Variants in JAM2 observed in about 807,000 individuals in gnomAD.
The protein encoded by JAM2 is junctional adhesion molecule 2, also known as junctional adhesion molecule B.
A neutral mutation model predicts 42.0 loss-of-function variants in JAM2; 17 were observed. The observed-to-expected ratio is 0.40, with a 90% CI of 0.28 to 0.61. JAM2 has a LOEUF of 0.61. Among genes scored for constraint, JAM2 ranks in the 20% least tolerant of loss-of-function variants. The pLI is 0.37. For missense variants in JAM2, 319 were observed against 358.3 expected (o/e 0.89, Z 0.89); for synonymous variants, 118 against 128.6 (o/e 0.92, Z 0.56).
intron 6 of JAM2, among the ~76,000 whole-genome samples, chr21:25,702,789 C>T (rs2034194062): frequency 6.6e-6 from 1 of 152,060 alleles, no homozygotes; most frequent in Non-Finnish European, 1.5e-5. Context: ...AAAATTAAGG[C>T]ATTGTTTTCT....
intron 3 of JAM2, among the ~76,000 whole-genome samples, chr21:25,690,516 A>T (rs1184864567): frequency 1.3e-5 from 2 of 151,702 alleles, no homozygotes; most frequent in African/African-American, 4.8e-5. Flanking sequence ...TTATTTATTT[A>T]TTTTTTTGTA....
chr21:25,659,589 A>G (rs1236208388), intron 1 of JAM2, among the ~76,000 whole-genome samples: 1 of 152,218 alleles, frequency 6.6e-6, no homozygotes, highest in Non-Finnish European at 1.5e-5. Flanking sequence ...ATTAGGGTTC[A>G]GGCACTTATA....
At chr21:25,665,141 A>G (rs1338754421) in intron 1 of JAM2, among the ~76,000 whole-genome samples, 2 of 152,170 alleles carry the variant, frequency 1.3e-5, no homozygotes, top group Non-Finnish European at 2.9e-5. Context: ...AGAAAATTGT[A>G]ATAGGGAGGA....
intron 5 of JAM2, among the ~76,000 whole-genome samples, chr21:25,700,775 C>T (rs891381414): frequency 1.3e-5 from 2 of 152,178 alleles, no homozygotes; most frequent in Admixed American, 1.3e-4. Flanking sequence ...GCTAAAGTGG[C>T]TGAATAATAA....
intron 5 of JAM2, among the ~76,000 whole-genome samples, chr21:25,700,765 G>C (rs918871273): frequency 6.6e-6 from 1 of 152,174 alleles, no homozygotes; most frequent in African/African-American, 2.4e-5. Flanking sequence ...AAAGCAAATT[G>C]CTAAAGTGGC....
rs375322669 is a variant in JAM2 at position 25,702,180 on chromosome 21, C to A, written c.608C>A (p.Thr203Asn). The A allele has an allele frequency of 5.2e-5, 82 of 1,563,560 alleles. No homozygotes were observed. The highest frequency in any genetic ancestry group is 6.5e-5 in the Non-Finnish European group (74 of 1,142,114). ...TGCATCCACAAATAGCAATTTAATA[C>A]TGTTTCCAAACTGGACACTGGAGAA... ...NTKTGTLQFN[T>N]VSKLDTGEYS... The change falls in exon 6 of 10, where the codon ACT becomes AAT. Residue 203 changes from threonine (T) to asparagine (N), a missense_variant. Transcript: ENST00000480456.
intron 3 of JAM2, 136 bp from the exon 4 acceptor site, chr21:25,693,620 A>G: frequency 1.3e-6 from 1 of 751,870 alleles, no homozygotes; most frequent in Non-Finnish European, 2.1e-6. Context: ...ATCTATATAC[A>G]ACTTTTAGGC....
intron 1 of JAM2, among the ~76,000 whole-genome samples, chr21:25,682,251 A>C (rs1188964687): frequency 6.6e-6 from 1 of 152,260 alleles, no homozygotes; most frequent in Admixed American, 6.5e-5. Flanking sequence ...TTATTTTTAA[A>C]CGTGGTCATT....
chr21:25,647,107 A>G (rs1413524494), intron 1 of JAM2, among the ~76,000 whole-genome samples: 1 of 152,208 alleles, frequency 6.6e-6, no homozygotes, highest in Non-Finnish European at 1.5e-5. Context: ...CGCTTTCTTC[A>G]CATTGTGAAA....
At chr21:25,642,822 G>T (rs1320221999) in intron 1 of JAM2, among the ~76,000 whole-genome samples, 1 of 152,182 alleles carries the variant, frequency 6.6e-6, no homozygotes, top group African/African-American at 2.4e-5. Flanking sequence ...CATTCAGGCT[G>T]CTGTAACAAA....
At chr21:25,669,699 C>T (rs2033311589) in intron 1 of JAM2, among the ~76,000 whole-genome samples, 3 of 152,296 alleles carry the variant, frequency 2.0e-5, no homozygotes, top group South Asian at 4.1e-4. Context: ...TCCAAGGTGA[C>T]GTGGCTAGTA....
chr21:25,648,312 C>T (rs1005080262), intron 1 of JAM2, among the ~76,000 whole-genome samples: 3 of 152,112 alleles, frequency 2.0e-5, no homozygotes, highest in African/African-American at 7.2e-5. Flanking sequence ...ATGCATTTGT[C>T]CAATAACTGA....
At chr21:25,665,981 A>G (rs975437422) in intron 1 of JAM2, among the ~76,000 whole-genome samples, 1 of 152,076 alleles carries the variant, frequency 6.6e-6, no homozygotes, top group African/African-American at 2.4e-5. Context: ...CTGAGGTTGC[A>G]GTTTGCTGAG....
At chr21:25,693,942 C>T in intron 4 of JAM2, 34 bp downstream of exon 4, 1 of 1,602,278 alleles carries the variant, frequency 6.2e-7, no homozygotes, top group Non-Finnish European at 8.5e-7. Context: ...CTACGTCTCC[C>T]ACTCCTTCTC....
chr21:25,702,992 A>G (rs138422611), intron 6 of JAM2, among the ~76,000 whole-genome samples: 1 of 152,254 alleles, frequency 6.6e-6, no homozygotes, highest in Non-Finnish European at 1.5e-5. Flanking sequence ...AGCTGGGATT[A>G]CAGGCATGCC....
At chr21:25,702,519 GT>G (rs1322100472) in intron 6 of JAM2, among the ~76,000 whole-genome samples, 4 of 152,068 alleles carry the variant, frequency 2.6e-5, no homozygotes, top group Non-Finnish European at 5.9e-5. Context: ...TTAAATAATC[GT>G]TTTTAAAATA....
chr21:25,695,941 C>A (rs1162987923), intron 4 of JAM2, among the ~76,000 whole-genome samples: 1 of 147,646 alleles, frequency 6.8e-6, no homozygotes, highest in Non-Finnish European at 1.5e-5. Context: ...ACATCCCAGA[C>A]GATGGGTGGC....
chr21:25,640,945 T>A (rs1165490800), intron 1 of JAM2, among the ~76,000 whole-genome samples: 2 of 152,200 alleles, frequency 1.3e-5, no homozygotes, highest in Non-Finnish European at 2.9e-5. Flanking sequence ...CACAATACAA[T>A]GATATTTTCT....
chr21:25,687,966 G>A (rs1025110495), intron 2 of JAM2, among the ~76,000 whole-genome samples: 1 of 152,144 alleles, frequency 6.6e-6, no homozygotes, highest in African/African-American at 2.4e-5. Context: ...TTGTTTATCT[G>A]ACTTCCCCTG....
Sources: gnomAD v4.1 joint callset for allele counts (sites outside exome capture counted in the v4.1 genomes callset) on GRCh38, gnomAD v4.1.1 for gene constraint, MANE v1.5 for transcripts, NCBI Gene and HGNC (gene_info 2026-07-23, HGNC 2026-07-21) for gene names.